The following ZSCAN18 variants were observed in gnomAD, a reference collection of about 807,000 sequenced individuals.
ZSCAN18 encodes the protein zinc finger and SCAN domain containing 18.
Under a neutral mutation model 31.1 loss-of-function variants are expected in ZSCAN18, and 16 were observed. The ratio of observed to expected loss-of-function variants is 0.51; its 90% confidence interval spans 0.35 to 0.78. ZSCAN18 has a LOEUF of 0.78. Ranked by LOEUF, ZSCAN18 falls within the 30% of genes least tolerant of loss-of-function variation. The pLI, the probability that ZSCAN18 is intolerant of heterozygous loss-of-function variation, is 0.01. For synonymous variants in ZSCAN18, 375 were observed against 320.7 expected (o/e 1.17, Z -1.81); for missense variants, 731 against 697.4 (o/e 1.05, Z -0.54).
At chr19:58,111,412 T>C (rs2074682588) in intron 1 of ZSCAN18, among the ~76,000 whole-genome samples, 1 of 152,176 alleles carries the variant, frequency 6.6e-6, no homozygotes, top group Admixed American at 6.6e-5. Context: ...GGTGGTGTGA[T>C]CACAGCTCAC....
intron 1 of ZSCAN18, chr19:58,092,802 C>A: frequency 1.3e-6 from 1 of 768,074 alleles, no homozygotes; most frequent in Non-Finnish European, 1.6e-6. Flanking sequence ...AACACAGGGT[C>A]TTACTCTGTC....
At chr19:58,114,005 C>T (rs537429248) in intron 1 of ZSCAN18, among the ~76,000 whole-genome samples, 16 of 151,164 alleles carry the variant, frequency 1.1e-4, no homozygotes, top group East Asian at 7.8e-4. Context: ...CGTGGTGGCT[C>T]GCGCCTGTAA....
At chr19:58,111,123 G>A (rs377318489) in intron 1 of ZSCAN18, among the ~76,000 whole-genome samples, 9 of 151,844 alleles carry the variant, frequency 5.9e-5, no homozygotes, top group Admixed American at 1.3e-4. Context: ...AGCTGAGATC[G>A]CGCCACTGCA....
chr19:58,085,579 G>C (rs1024390688), intron 6 of ZSCAN18, 200 bp from the exon 7 acceptor site: 6 of 541,518 alleles, frequency 1.1e-5, no homozygotes, highest in Non-Finnish European at 1.9e-5. Flanking sequence ...TGCAGATGTG[G>C]GACCTGGAGG....
rs2074390831 is a variant in ZSCAN18 at position 58,090,569 on chromosome 19, G to A, written c.-119-183C>T. ...ATAAAAAGTAGCATGTAAATGGAGG[G>A]TAACTCATTCTGTGCATTACCAGAA... On this transcript the variant is annotated intron_variant, in intron 1 of 6. Coordinates refer to ENST00000601144, the MANE Select transcript of ZSCAN18 (RefSeq NM_001145543.2). The surrounding 1 kb of genome is among the most constrained non-coding windows in gnomAD (Gnocchi z 4.7). 2 of 538,406 alleles carry A rather than the reference G, an allele frequency of 3.7e-6. No individual in the cohort carries two copies. Among genetic ancestry groups the A allele is most frequent in the Admixed American group, 3.6e-5 (1 of 27,722 alleles). The allele number at this position is 538,406 out of a possible 1,614,324, so 33.4% of individuals were successfully genotyped here. A position where few individuals can be genotyped will look rare whatever the true frequency, so the allele number is the denominator to read the frequency against.
intron 1 of ZSCAN18, chr19:58,108,378 A>G (rs2074652825): frequency 1.0e-6 from 1 of 985,520 alleles, no homozygotes; most frequent in African/African-American, 1.7e-5. Flanking sequence ...GAAATGCAAA[A>G]CAAGGGAAGA....
rs555552727 is a variant in ZSCAN18, at chr19:58,117,509, G to C, written c.130+758C>G. On this transcript the variant is annotated intron_variant, in intron 1 of 1. Transcript: ENST00000595721. ...GGGCAGAGGAGGAAGCCATCTCTTG[G>C]GATAAAGGAGAGGAAGAACAGGGTT... Among the ~76,000 whole-genome samples the C allele has an allele frequency of 1.2e-4, 18 of 152,230 alleles. No individual in the cohort carries two copies. The East Asian group carries it at 3.5e-3, about 29-fold the overall frequency.
At chr19:58,087,627 C>A in intron 3 of ZSCAN18, 1 of 518,598 alleles carries the variant, frequency 1.9e-6, no homozygotes, top group Non-Finnish European at 3.4e-6. Context: ...CCACTGGATT[C>A]ATGGAAATCT....
intron 1 of ZSCAN18, among the ~76,000 whole-genome samples, chr19:58,117,804 G>A (rs1228636914): frequency 6.6e-6 from 1 of 151,912 alleles, no homozygotes; most frequent in East Asian, 1.9e-4. Flanking sequence ...TGGGAGGGTA[G>A]AGGAAGAGAA....
chr19:58,084,376 A>G lies in ZSCAN18; in HGVS notation c.*309T>C, dbSNP rs2074216339. On this transcript the variant is annotated 3_prime_UTR_variant, in exon 7 of 7. Coordinates refer to ENST00000601144, the MANE Select transcript of ZSCAN18 (RefSeq NM_001145543.2). This position sits in a 1 kb window ranked among gnomAD's most constrained non-coding sequence, Gnocchi z 4.5. Reference sequence around the variant, plus strand: ...ATCACGCACTTTAAGGCAACTCTACACTGCACAATGTCAAATAACCTAGCA... The same window carrying G: ...ATCACGCACTTTAAGGCAACTCTACGCTGCACAATGTCAAATAACCTAGCA... The G allele has an allele frequency of 1.2e-5, 4 of 327,908 alleles. No individual in the cohort carries two copies. Among genetic ancestry groups the G allele is most frequent in the Admixed American group, 4.7e-5 (1 of 21,274 alleles). 20.3% of individuals were successfully genotyped at this position (327,908 alleles called of 1,614,324 possible).
rs1439390675 is a variant in ZSCAN18, at chr19:58,084,451, G to A, written c.*234C>T. ...GAAAGCCGAGTCTTCTTCCACATCCGGCGGCTCCCCTCGGATGCGAGCGCT... is the reference window on the plus strand; with the variant it reads ...GAAAGCCGAGTCTTCTTCCACATCCAGCGGCTCCCCTCGGATGCGAGCGCT... On this transcript the variant is annotated 3_prime_UTR_variant, in exon 7 of 7. Transcript: ENST00000601144. This position sits in a 1 kb window ranked among gnomAD's most constrained non-coding sequence, Gnocchi z 4.5. The A allele has an allele frequency of 6.8e-6, 3 of 441,932 alleles. No homozygotes were observed. Among genetic ancestry groups the A allele is most frequent in the Non-Finnish European group, 7.9e-6 (2 of 253,944 alleles). The allele number at this position is 441,932 out of a possible 1,614,324, so 27.4% of individuals were successfully genotyped here. A position where few individuals can be genotyped will look rare whatever the true frequency, so the allele number is the denominator to read the frequency against.
chr19:58,086,982 A>C lies in ZSCAN18; in HGVS notation c.669T>G (p.Pro223=), dbSNP rs944572525. The C allele has an allele frequency of 7.4e-6, 12 of 1,613,630 alleles. No individual in the cohort carries two copies. Among genetic ancestry groups the C allele is most frequent in the Admixed American group, 6.7e-5 (4 of 59,984 alleles). ...EQKLKSFPED[P]QHLGEWGHLD... Reference sequence around the variant, plus strand: ...GGTGGCCCCACTCCCCCAGGTGCTGAGGGTCCTCTGGAAAGGACTTCAGCT... The same window carrying C: ...GGTGGCCCCACTCCCCCAGGTGCTGCGGGTCCTCTGGAAAGGACTTCAGCT... The change falls in exon 5 of 7, where the codon CCT becomes CCG. Residue 223 remains proline, a synonymous_variant. Coordinates refer to ENST00000601144, the MANE Select transcript of ZSCAN18 (RefSeq NM_001145543.2).
At chr19:58,088,882 G>T (rs149175274) in intron 2 of ZSCAN18, 45 bp from the exon 3 acceptor site, 21 of 1,573,616 alleles carry the variant, frequency 1.3e-5, no homozygotes, top group Non-Finnish European at 1.6e-5. Context: ...GTCAGGACAC[G>T]TGCCAACAAC....
At chr19:58,089,732 C>A (rs1331450541) in intron 2 of ZSCAN18, 133 bp downstream of exon 2, 6 of 1,120,548 alleles carry the variant, frequency 5.4e-6, no homozygotes, top group Non-Finnish European at 7.5e-6. Flanking sequence ...TCTGTCCTGG[C>A]CCGAGGACCA....
intron 3 of ZSCAN18, 43 bp from the exon 4 acceptor site, chr19:58,087,447 T>G (rs776391671): frequency 4.5e-6 from 7 of 1,551,798 alleles, no homozygotes; most frequent in African/African-American, 1.4e-5. Context: ...GAGCTCCCTG[T>G]GGCCAGGTGC....
At chr19:58,109,408 A>G in intron 1 of ZSCAN18, 1 of 1,192,738 alleles carries the variant, frequency 8.4e-7, no homozygotes, top group Non-Finnish European at 1.0e-6. Flanking sequence ...TATCTATTAT[A>G]TCTGATGCTG....
chr19:58,085,546 A>T, intron 6 of ZSCAN18, 167 bp from the exon 7 acceptor site: 1 of 622,794 alleles, frequency 1.6e-6, no homozygotes, highest in East Asian at 3.1e-5. Context: ...GCAGCCCTGC[A>T]GCGCATGCCC....
At chr19:58,114,813 G>C (rs1439834148) in intron 1 of ZSCAN18, among the ~76,000 whole-genome samples, 1 of 152,108 alleles carries the variant, frequency 6.6e-6, no homozygotes, top group Non-Finnish European at 1.5e-5. Context: ...TCAGAAACTT[G>C]TCAAAATATA....
intron 1 of ZSCAN18, chr19:58,108,680 C>T (rs2074655181): frequency 4.1e-6 from 4 of 985,364 alleles, no homozygotes; most frequent in African/African-American, 1.7e-5. Context: ...TCATTGTATT[C>T]ATTTCCAGAG....
Sources: gnomAD v4.1 joint callset for allele counts (sites outside exome capture counted in the v4.1 genomes callset) on GRCh38, gnomAD v4.1.1 for gene constraint, Gnocchi (gnomAD v3.1) non-coding constraint, MANE v1.5 for transcripts, NCBI Gene and HGNC (gene_info 2026-07-23, HGNC 2026-07-21) for gene names.